BPNT2: variants seen among roughly 807,000 people sequenced by gnomAD.
BPNT2 encodes the protein 3'(2'), 5'-bisphosphate nucleotidase 2.
A neutral mutation model predicts 29.3 loss-of-function variants in BPNT2; 11 were observed. The ratio of observed to expected loss-of-function variants is 0.38; its 90% confidence interval spans 0.24 to 0.62. BPNT2 has a LOEUF of 0.62. BPNT2 is among the 20% of genes least tolerant of loss of function. The pLI is 0.62. For synonymous variants in BPNT2, 195 were observed against 187.7 expected, an observed-to-expected ratio of 1.04 and a Z score of -0.32; for missense variants, 459 against 473.4, an observed-to-expected ratio of 0.97 and a Z score of 0.28.
chr8:56,970,662 A>T (rs1806016026), intron 3 of BPNT2, among the ~76,000 whole-genome samples: 1 of 152,192 alleles, frequency 6.6e-6, no homozygotes, highest in Non-Finnish European at 1.5e-5. Context: ...TAATTTTATT[A>T]TATTAATATA....
chr8:56,978,403 A>G (rs1309092063), intron 2 of BPNT2, among the ~76,000 whole-genome samples: 6 of 152,250 alleles, frequency 3.9e-5, no homozygotes, highest in Admixed American at 1.3e-4. Context: ...TAACAGATGC[A>G]AGTGAGGTTG....
intron 4 of BPNT2, among the ~76,000 whole-genome samples, chr8:56,964,897 A>G (rs1324181030): frequency 6.6e-6 from 1 of 152,228 alleles, no homozygotes; most frequent in Non-Finnish European, 1.5e-5. Flanking sequence ...TAGTCATCTC[A>G]TCCCTGCTGG....
intron 1 of BPNT2, among the ~76,000 whole-genome samples, chr8:56,983,898 A>G (rs1806286042): frequency 6.6e-6 from 1 of 152,190 alleles, no homozygotes; most frequent in South Asian, 2.1e-4. Context: ...ACCTTACCAG[A>G]TATCAAGACC....
chr8:56,992,900 T>A (rs1048341795), intron 1 of BPNT2, among the ~76,000 whole-genome samples: 9 of 152,088 alleles, frequency 5.9e-5, no homozygotes, highest in African/African-American at 2.2e-4. Flanking sequence ...CAGAGGAGCC[T>A]GAAGCTGCGG....
At chr8:56,980,317 TTTC>T in intron 1 of BPNT2, 120 bp from the exon 2 acceptor site, 1 of 793,762 alleles carries the variant, frequency 1.3e-6, no homozygotes, top group Non-Finnish European at 2.1e-6. Flanking sequence ...CCTATTTTTA[TTTC>T]TTTTGATGCT....
At chr8:56,970,981 G>C (rs1229590898) in intron 3 of BPNT2, among the ~76,000 whole-genome samples, 1 of 152,008 alleles carries the variant, frequency 6.6e-6, no homozygotes, top group Non-Finnish European at 1.5e-5. Flanking sequence ...AATTTACAGT[G>C]CTTTATCTCT....
rs1306674316 is a variant in BPNT2, at chr8:56,993,242, C to A, written c.344G>T (p.Arg115Leu). Residue 115 changes from arginine (R) to leucine (L), a missense_variant, in exon 1 of 5, where the codon CGC becomes CTC. By Grantham distance (102) the Arg-to-Leu change is moderately radical. Coordinates refer to ENST00000262644, the MANE Select transcript of BPNT2 (RefSeq NM_017813.5). ...KMTSGDVLSN[R>L]KMFYLLKTAF... ...GGTCTTGAGCAGGTAGAACATCTTG[C>A]GGTTGGACAGCACGTCGCCGCTGGT... 5 of 1,607,290 alleles carry A rather than the reference C, an allele frequency of 3.1e-6. No homozygotes were observed. Among genetic ancestry groups the A allele is most frequent in the Non-Finnish European group, 4.2e-6 (5 of 1,179,800 alleles).
chr8:56,979,075 C>A (rs192828239), intron 2 of BPNT2, among the ~76,000 whole-genome samples: 27 of 152,236 alleles, frequency 1.8e-4, no homozygotes, highest in Non-Finnish European at 3.4e-4. Flanking sequence ...AGAGTCAAGA[C>A]CCTTTTATAT....
At chr8:56,983,610 GGA>G (rs1405293406) in intron 1 of BPNT2, among the ~76,000 whole-genome samples, 1 of 152,128 alleles carries the variant, frequency 6.6e-6, no homozygotes, top group East Asian at 1.9e-4. Flanking sequence ...AAAGGGAGGG[GGA>G]GAGGAGCAAG....
chr8:56,991,029 T>G (rs1391373049), intron 1 of BPNT2, among the ~76,000 whole-genome samples: 1 of 152,196 alleles, frequency 6.6e-6, no homozygotes, highest in Non-Finnish European at 1.5e-5. Context: ...GGCTTCAAAA[T>G]TAACCAGGGA....
intron 1 of BPNT2, among the ~76,000 whole-genome samples, chr8:56,991,436 C>A (rs908273610): frequency 6.6e-6 from 1 of 152,196 alleles, no homozygotes; most frequent in African/African-American, 2.4e-5. Context: ...AATGCACACA[C>A]ATACAGATGT....
chr8:56,982,126 C>CTTT lies in BPNT2; in HGVS notation c.388-1932_388-1930dup, dbSNP rs539120953. 2.6e-3 allele frequency among the ~76,000 whole-genome samples: 375 copies of CTTT among 141,556 alleles called. 3 individuals are homozygous for CTTT. Among genetic ancestry groups the CTTT allele is most frequent in the African/African-American group, 9.0e-3 (346 of 38,626 alleles). The allele number at this position is 141,556 out of a possible 152,430, so 92.9% of individuals were successfully genotyped here. A position where few individuals can be genotyped will look rare whatever the true frequency, so the allele number is the denominator to read the frequency against. On this transcript the variant is annotated intron_variant, in intron 1 of 4. Coordinates refer to ENST00000262644, the MANE Select transcript of BPNT2 (RefSeq NM_017813.5). The stretch of plus-strand genomic sequence containing the variant: ...AAACCGCTTAAATCATTAAATATCT[C>CTTT]TTTTTTTTTTTTTTTTGAGACGGAG...
intron 1 of BPNT2, among the ~76,000 whole-genome samples, chr8:56,992,954 T>C (rs1424327797): frequency 1.3e-5 from 2 of 152,066 alleles, no homozygotes; most frequent in East Asian, 3.9e-4. Context: ...GGCCTTCTGA[T>C]CCCAGGTACA....
chr8:56,989,354 AG>A, intron 1 of BPNT2, among the ~76,000 whole-genome samples: 1 of 150,256 alleles, frequency 6.7e-6, no homozygotes, highest in Non-Finnish European at 1.5e-5. Flanking sequence ...CCTGGGCGAC[AG>A]AGCGAGACAC....
intron 1 of BPNT2, 64 bp from the exon 2 acceptor site, chr8:56,980,261 A>G (rs1269119192): frequency 7.5e-7 from 1 of 1,336,794 alleles, no homozygotes; most frequent in Non-Finnish European, 1.1e-6. Context: ...GATAAACTAC[A>G]AAAGTATTTC....
intron 3 of BPNT2, among the ~76,000 whole-genome samples, chr8:56,972,293 C>T (rs1806051408): frequency 6.6e-6 from 1 of 151,508 alleles, no homozygotes; most frequent in Admixed American, 6.6e-5. Flanking sequence ...CTAGTGATGC[C>T]GGAAGTGCTC....
At position 56,987,262 on chromosome 8, in the gene BPNT2, T is replaced by C. The variant is rs112094745; in HGVS notation, c.387+5937A>G. 2.2e-3 allele frequency among the ~76,000 whole-genome samples: 335 copies of C among 152,350 alleles called. 1 individual carries two copies. The highest frequency in any genetic ancestry group is 7.7e-3 in the African/African-American group (322 of 41,580). ...CATACCATAGGTGTGATATGGCAAC[T>C]TGACTGGATTATGGAATGCCCAGAG... On this transcript the variant is annotated intron_variant, in intron 1 of 4. Transcript: ENST00000262644.
chr8:56,993,053 G>T, intron 1 of BPNT2, 146 bp downstream of exon 1: 3 of 1,500,874 alleles, frequency 2.0e-6, no homozygotes, highest in Non-Finnish European at 2.7e-6. Context: ...TCTGCTGTCT[G>T]TCTGACCTTG....
intron 3 of BPNT2, among the ~76,000 whole-genome samples, chr8:56,968,513 G>A (rs764080562): frequency 6.6e-6 from 1 of 151,976 alleles, no homozygotes; most frequent in Non-Finnish European, 1.5e-5. Flanking sequence ...AAAAACAAAA[G>A]AGAACCTTAG....
Sources: gnomAD v4.1 joint callset for allele counts (sites outside exome capture counted in the v4.1 genomes callset) on GRCh38, gnomAD v4.1.1 for gene constraint, MANE v1.5 for transcripts, NCBI Gene and HGNC (gene_info 2026-07-23, HGNC 2026-07-21) for gene names.